The following MCC variants were observed in gnomAD, a reference collection of about 807,000 sequenced individuals.
MCC encodes the protein MCC regulator of Wnt signaling pathway, also known as colorectal mutant cancer protein.
A neutral mutation model predicts 116.2 loss-of-function variants in MCC; 90 were observed. The ratio of observed to expected loss-of-function variants is 0.77; its 90% CI spans 0.65 to 0.92. The LOEUF (loss-of-function observed/expected upper bound fraction) is 0.92. MCC is among the 40% of genes least tolerant of loss of function. The pLI is 0.00. For missense variants in MCC, 1,516 were observed against 1,312.2 expected, an observed-to-expected ratio of 1.16 and a Z score of -2.40; for synonymous variants, 578 against 510.5, an observed-to-expected ratio of 1.13 and a Z score of -1.78.
intron 3 of MCC, among the ~76,000 whole-genome samples, chr5:113,333,146 AAAAGAAG>A (rs1451877812): frequency 6.6e-6 from 1 of 151,716 alleles, no homozygotes; most frequent in African/African-American, 2.4e-5. Flanking sequence ...GTTTAAACCA[AAAAGAAG>A]ACCTCTGTCT....
chr5:113,033,731 C>T (rs1296467000), intron 17 of MCC, among the ~76,000 whole-genome samples: 1 of 152,076 alleles, frequency 6.6e-6, no homozygotes, highest in Non-Finnish European at 1.5e-5. Context: ...ACAAATATAC[C>T]CCATAGCATC....
chr5:113,371,744 A>G (rs1340792329), intron 2 of MCC, among the ~76,000 whole-genome samples: 1 of 152,226 alleles, frequency 6.6e-6, no homozygotes, highest in Non-Finnish European at 1.5e-5. Flanking sequence ...ATCATTTACT[A>G]ATGCCCTCTC....
chr5:113,072,480 C>T (rs11750093), intron 11 of MCC, among the ~76,000 whole-genome samples: 75,351 of 152,032 alleles, frequency 0.5, 22,198 homozygotes, highest in East Asian at 0.68. Context: ...AAGCCTTTAC[C>T]CAACTCATAG....
chr5:113,174,483 C>T (rs918596759), intron 3 of MCC, among the ~76,000 whole-genome samples: 4 of 152,100 alleles, frequency 2.6e-5, no homozygotes, highest in African/African-American at 9.7e-5. Flanking sequence ...CACATTAATG[C>T]CCATCTACAG....
chr5:113,122,787 G>A lies in MCC; in HGVS notation c.924C>T (p.Ser308=), dbSNP rs143657200. ...DEYSELRSEL[S]QSQHEVNEDS... is the part of the protein sequence containing the mutation. ...CCTCGTTGACCTCGTGTTGGCTCTG[G>A]CTGAGTTCTGATCGCAGTTCTGAGT... The change falls in exon 6 of 19, where the codon AGC becomes AGT. Residue 308 remains serine, a synonymous_variant. Transcript: ENST00000408903. 6.2e-7 allele frequency: 1 copy of A among 1,614,040 alleles called. No homozygotes were observed. Among genetic ancestry groups the A allele is most frequent in the Non-Finnish European group, 8.5e-7 (1 of 1,180,022 alleles).
chr5:113,197,057 A>G (rs1762446981), intron 3 of MCC, among the ~76,000 whole-genome samples: 1 of 152,216 alleles, frequency 6.6e-6, no homozygotes, highest in Non-Finnish European at 1.5e-5. Flanking sequence ...AAATCTGAGC[A>G]AGAAACGGTG....
chr5:113,053,808 T>G lies in MCC; in HGVS notation c.2365A>C (p.Ser789Arg), dbSNP rs2150223184. The G allele has an allele frequency of 6.2e-7, 1 of 1,614,158 alleles. No individual in the cohort carries two copies. The highest frequency in any genetic ancestry group is 8.5e-7 in the Non-Finnish European group (1 of 1,180,006). ...ELESIHIDPL[S>R]YDVKPRGDSQ... is the part of the protein sequence containing the mutation. Reference sequence around the variant, plus strand: ...TCTCCCCGAGGCTTGACGTCATAGCTGAGAGGATCGATGTGGATGCTTTCC... The same window carrying G: ...TCTCCCCGAGGCTTGACGTCATAGCGGAGAGGATCGATGTGGATGCTTTCC... Residue 789 changes from serine to arginine, a missense_variant, in exon 15 of 19, where the codon AGC becomes CGC. Transcript: ENST00000408903.
At chr5:113,086,799 C>A (rs144592404) in intron 8 of MCC, among the ~76,000 whole-genome samples, 172 of 152,314 alleles carry the variant, frequency 1.1e-3, no homozygotes, top group African/African-American at 4.0e-3. Context: ...AGAGTTAGCA[C>A]TAGGAAATTT....
At chr5:113,369,731 G>A (rs937598707) in intron 2 of MCC, among the ~76,000 whole-genome samples, 7 of 152,100 alleles carry the variant, frequency 4.6e-5, no homozygotes, top group Admixed American at 2.0e-4. Context: ...TTTAGGAAAC[G>A]CTGATCTATG....
At chr5:113,066,693 G>GGGGGAGGAGC (rs1753627437) in intron 13 of MCC, among the ~76,000 whole-genome samples, 1 of 152,236 alleles carries the variant, frequency 6.6e-6, no homozygotes, top group Admixed American at 6.5e-5. Flanking sequence ...CCCAGACAAA[G>GGGGGAGGAGC]GGGGAGGAGC....
At chr5:113,147,692 G>A (rs1220899068) in intron 4 of MCC, among the ~76,000 whole-genome samples, 1 of 152,166 alleles carries the variant, frequency 6.6e-6, no homozygotes, top group African/African-American at 2.4e-5. Flanking sequence ...CGCTCGCTAA[G>A]GGGAAAGTGG....
intron 3 of MCC, among the ~76,000 whole-genome samples, chr5:113,260,294 C>T (rs1379611028): frequency 6.6e-6 from 1 of 152,022 alleles, no homozygotes; most frequent in Non-Finnish European, 1.5e-5. Context: ...AACCTAGATA[C>T]TTTTTATGTA....
At chr5:113,481,607 C>T (rs182558643) in intron 1 of MCC, among the ~76,000 whole-genome samples, 162 of 152,080 alleles carry the variant, frequency 1.1e-3, no homozygotes, top group African/African-American at 3.6e-3. Context: ...GGCGTGGTGG[C>T]GCACACCTGT....
At chr5:113,146,815 C>CT (rs200517220) in intron 4 of MCC, among the ~76,000 whole-genome samples, 7 of 151,988 alleles carry the variant, frequency 4.6e-5, no homozygotes, top group Non-Finnish European at 7.4e-5. Context: ...TATGCTACTG[C>CT]TTTTTTTTCT....
chr5:113,263,379 G>T (rs144101444), intron 3 of MCC, among the ~76,000 whole-genome samples: 2 of 152,180 alleles, frequency 1.3e-5, no homozygotes, highest in African/African-American at 2.4e-5. Flanking sequence ...TCAGATATTG[G>T]CTACCATGCC....
intron 3 of MCC, among the ~76,000 whole-genome samples, chr5:113,267,157 C>A (rs751742551): frequency 6.6e-6 from 1 of 152,116 alleles, no homozygotes; most frequent in Non-Finnish European, 1.5e-5. Flanking sequence ...TCCTTCCTAT[C>A]GTCCCTGTAG....
intron 1 of MCC, among the ~76,000 whole-genome samples, chr5:113,479,705 AT>A (rs1272943439): frequency 6.6e-6 from 1 of 151,964 alleles, no homozygotes; most frequent in Admixed American, 6.6e-5. Context: ...TGGTAGGCTG[AT>A]TGCTTTATGG....
chr5:113,409,321 G>T (rs77969335), intron 1 of MCC, among the ~76,000 whole-genome samples: 1,629 of 152,016 alleles, frequency 0.011, 36 homozygotes, highest in African/African-American at 0.037. Flanking sequence ...CAACAAAAAC[G>T]CAACATCCAC....
At chr5:113,160,058 C>T (rs1314272067) in intron 3 of MCC, among the ~76,000 whole-genome samples, 2 of 152,166 alleles carry the variant, frequency 1.3e-5, no homozygotes, top group South Asian at 4.1e-4. Flanking sequence ...AAACAGCATT[C>T]AAAGGCTCCT....
Sources: gnomAD v4.1 joint callset for allele counts (sites outside exome capture counted in the v4.1 genomes callset) on GRCh38, gnomAD v4.1.1 for gene constraint, MANE v1.5 for transcripts, NCBI Gene and HGNC (gene_info 2026-07-23, HGNC 2026-07-21) for gene names.